The following MTMR2 variants were observed in gnomAD, a reference collection of about 807,000 sequenced individuals.
MTMR2 encodes the protein phosphatidylinositol-3,5-bisphosphate 3-phosphatase MTMR2.
In MTMR2, 55 loss-of-function variants were observed where a neutral mutation model predicts 86.9. The ratio of observed to expected loss-of-function variants is 0.63; its 90% CI spans 0.51 to 0.79. The LOEUF is 0.79. Among genes scored for constraint, MTMR2 ranks in the 30% least tolerant of loss-of-function variants. The pLI, the probability that MTMR2 is intolerant of heterozygous loss-of-function variation, is 0.00. For missense variants in MTMR2, 659 were observed against 772.3 expected, an observed-to-expected ratio of 0.85 and a Z score of 1.74; for synonymous variants, 241 against 266.8, an observed-to-expected ratio of 0.90 and a Z score of 0.94.
At chr11:95,919,804 C>T (rs974631200) in intron 1 of MTMR2, among the ~76,000 whole-genome samples, 5 of 152,268 alleles carry the variant, frequency 3.3e-5, no homozygotes, top group African/African-American at 1.2e-4. Context: ...CAGTGGTGAA[C>T]ATTCCGTCAA....
chr11:95,856,381 A>G (rs1330136476), intron 7 of MTMR2, among the ~76,000 whole-genome samples: 1 of 149,252 alleles, frequency 6.7e-6, no homozygotes, highest in Non-Finnish European at 1.5e-5. Context: ...CTGATGCTTT[A>G]TCATTAGTCC....
chr11:95,899,820 A>C (rs569590889), intron 1 of MTMR2, among the ~76,000 whole-genome samples: 93 of 152,250 alleles, frequency 6.1e-4, no homozygotes, highest in African/African-American at 2.0e-3. Context: ...CATTTGGGGA[A>C]ACCTATGTAA....
At chr11:95,837,386 A>C (rs1358452277) in intron 13 of MTMR2, among the ~76,000 whole-genome samples, 1 of 152,096 alleles carries the variant, frequency 6.6e-6, no homozygotes, top group Non-Finnish European at 1.5e-5. Context: ...GTGCTTTATA[A>C]AATAAAACAT....
At chr11:95,846,073 A>G (rs1417501749) in intron 10 of MTMR2, among the ~76,000 whole-genome samples, 2 of 152,126 alleles carry the variant, frequency 1.3e-5, no homozygotes, top group Non-Finnish European at 2.9e-5. Flanking sequence ...ATGGGGTACT[A>G]TGACGATCTT....
intron 2 of MTMR2, chr11:95,866,481 TAA>T (rs1416446078): frequency 2.0e-5 from 3 of 152,010 alleles, no homozygotes; most frequent in Non-Finnish European, 2.9e-5. Context: ...GGCCAATAAC[TAA>T]GAACTACAAA....
intron 2 of MTMR2, among the ~76,000 whole-genome samples, chr11:95,874,548 A>G (rs1475114041): frequency 6.6e-6 from 1 of 152,150 alleles, no homozygotes; most frequent in Non-Finnish European, 1.5e-5. Flanking sequence ...CTCTTTATCC[A>G]ATTTGCCAGT....
intron 2 of MTMR2, among the ~76,000 whole-genome samples, chr11:95,875,641 G>C (rs1163365205): frequency 6.6e-6 from 1 of 152,152 alleles, no homozygotes; most frequent in Non-Finnish European, 1.5e-5. Context: ...TGTTGGTGAG[G>C]AGCTGCGTTC....
Position 95,849,756 on chromosome 11 carries a change from T to G in MTMR2, c.911A>C (p.Gln304Pro). ...KRSKEDEKYL[Q>P]AIMDSNAQSH... ...CTGGGCATTGGAATCCATGATAGCT[T>G]GAAGGTATTTTTCATCTTCTTTGCT... is the stretch of plus-strand genomic sequence containing the variant. Residue 304 changes from glutamine (Q) to proline (P), a missense_variant, in exon 9 of 15, where the codon CAA (glutamine) becomes CCA (proline). Transcript: ENST00000346299. The G allele has an allele frequency of 6.2e-7, 1 of 1,614,152 alleles. No individual in the cohort carries two copies. Among genetic ancestry groups the G allele is most frequent in the Non-Finnish European group, 8.5e-7 (1 of 1,179,986 alleles).
At chr11:95,879,261 G>T (rs1258050957) in intron 2 of MTMR2, among the ~76,000 whole-genome samples, 2 of 152,118 alleles carry the variant, frequency 1.3e-5, no homozygotes, top group Admixed American at 6.5e-5. Flanking sequence ...AGCAAGGGAT[G>T]AAGAAAACTT....
At chr11:95,885,206 G>C (rs1865473448) in intron 2 of MTMR2, among the ~76,000 whole-genome samples, 1 of 152,010 alleles carries the variant, frequency 6.6e-6, no homozygotes, top group Non-Finnish European at 1.5e-5. Flanking sequence ...AACTATTCTA[G>C]ACAAATTTGC....
chr11:95,838,670 CA>C (rs1253898608), intron 12 of MTMR2, among the ~76,000 whole-genome samples: 12 of 151,946 alleles, frequency 7.9e-5, no homozygotes, highest in Admixed American at 7.9e-4. Flanking sequence ...TTAGATGGTG[CA>C]AAAATAATTG....
intron 11 of MTMR2, among the ~76,000 whole-genome samples, chr11:95,843,635 T>G (rs189866112): frequency 3.3e-5 from 5 of 152,244 alleles, no homozygotes; most frequent in African/African-American, 1.2e-4. Flanking sequence ...CATAACAGAT[T>G]GAAGGTAAAA....
At chr11:95,865,917 T>C (rs1420011858) in intron 2 of MTMR2, among the ~76,000 whole-genome samples, 1 of 151,196 alleles carries the variant, frequency 6.6e-6, no homozygotes, top group African/African-American at 2.5e-5. Context: ...ACACAAAAAA[T>C]TGTACATGTT....
chr11:95,873,020 G>A (rs906709692), intron 2 of MTMR2, among the ~76,000 whole-genome samples: 5 of 152,178 alleles, frequency 3.3e-5, no homozygotes, highest in African/African-American at 7.2e-5. Flanking sequence ...CGGTTTGCCA[G>A]TATTTTATTG....
chr11:95,904,501 C>A (rs1018726741), intron 1 of MTMR2, among the ~76,000 whole-genome samples: 2 of 152,074 alleles, frequency 1.3e-5, no homozygotes, highest in Non-Finnish European at 2.9e-5. Flanking sequence ...GATAAGAGGT[C>A]GGCACAAGAC....
rs765313279 is a variant in MTMR2, at chr11:95,841,639, C to G, written c.1457G>C (p.Cys486Ser). ...TACCTGTCTTGTCATCTGCCAGACA[C>G]AGTCAATAAATTGAAGAAAAACAGG... ...RSPVFLQFID[C>S]VWQMTRQFPT... Residue 486 changes from cysteine to serine, a missense_variant, in exon 12 of 15, where the codon TGT becomes TCT. Physicochemically the swap from Cys to Ser is moderately radical, Grantham distance 112. Transcript: ENST00000346299. 1.9e-6 allele frequency: 3 copies of G among 1,612,944 alleles called. No homozygotes were observed. The highest frequency in any genetic ancestry group is 2.5e-6 in the Non-Finnish European group (3 of 1,179,002).
intron 1 of MTMR2, among the ~76,000 whole-genome samples, chr11:95,923,119 G>A (rs1327398949): frequency 6.6e-6 from 1 of 152,158 alleles, no homozygotes; most frequent in Non-Finnish European, 1.5e-5. Flanking sequence ...TCTCTGCAAA[G>A]CTGCATAAAG....
At chr11:95,903,328 G>A (rs899546858) in intron 1 of MTMR2, among the ~76,000 whole-genome samples, 2 of 151,918 alleles carry the variant, frequency 1.3e-5, no homozygotes, top group South Asian at 2.1e-4. Context: ...CTCACTTCTC[G>A]CTTTTCCCAG....
At chr11:95,851,053 T>TC (rs1411006250) in intron 7 of MTMR2, among the ~76,000 whole-genome samples, 27 of 139,760 alleles carry the variant, frequency 1.9e-4, no homozygotes, top group Non-Finnish European at 3.0e-4. Flanking sequence ...CTTCAAATAT[T>TC]CCTTTTTTTT....
Sources: gnomAD v4.1 joint callset for allele counts (sites outside exome capture counted in the v4.1 genomes callset) on GRCh38, gnomAD v4.1.1 for gene constraint, MANE v1.5 for transcripts, NCBI Gene and HGNC (gene_info 2026-07-23, HGNC 2026-07-21) for gene names.